CNIH3: variants seen among roughly 807,000 people sequenced by gnomAD.
CNIH3 encodes the protein cornichon family AMPA receptor auxiliary protein 3.
A neutral mutation model predicts 24.1 loss-of-function variants in CNIH3; 14 were observed. The ratio of observed to expected loss-of-function variants is 0.58; its 90% CI spans 0.38 to 0.91. The LOEUF (loss-of-function observed/expected upper bound fraction) is 0.91. CNIH3 is among the 40% of genes least tolerant of loss of function. The pLI is 0.00. For missense variants in CNIH3, 178 were observed against 196.8 expected (o/e 0.90, Z 0.57); for synonymous variants, 68 against 73.8 (o/e 0.92, Z 0.40).
chr1:224,662,678 A>C (rs1431717729), intron 1 of CNIH3, among the ~76,000 whole-genome samples: 1 of 152,214 alleles, frequency 6.6e-6, no homozygotes, highest in Non-Finnish European at 1.5e-5. Context: ...TACTTAATTT[A>C]TGGGTTCCTT....
At chr1:224,664,324 T>G (rs1169864870) in intron 1 of CNIH3, among the ~76,000 whole-genome samples, 1 of 152,208 alleles carries the variant, frequency 6.6e-6, no homozygotes, top group Non-Finnish European at 1.5e-5. Context: ...GGAGGGTCAA[T>G]TTCCATGTGT....
chr1:224,583,428 T>TA (rs1040075536), intron 5 of CNIH3, among the ~76,000 whole-genome samples: 1 of 152,162 alleles, frequency 6.6e-6, no homozygotes, highest in African/African-American at 2.4e-5. Context: ...GAGTGAGGGA[T>TA]AAAATCTGAG....
At chr1:224,615,415 A>T (rs1272988467), upstream of CNIH3, 1 of 152,240 alleles carries the variant, frequency 6.6e-6, no homozygotes, top group Non-Finnish European at 1.5e-5. Flanking sequence ...TGAACTTCCA[A>T]GATGCTGGGC....
chr1:224,530,016 C>A (rs992347414), intron 2 of CNIH3, among the ~76,000 whole-genome samples: 1 of 152,210 alleles, frequency 6.6e-6, no homozygotes, highest in African/African-American at 2.4e-5. Flanking sequence ...CATTGCTGAG[C>A]ACCTGCTGTT....
chr1:224,697,046 C>T (rs1469274943), intron 3 of CNIH3, among the ~76,000 whole-genome samples: 1 of 152,156 alleles, frequency 6.6e-6, no homozygotes, highest in African/African-American at 2.4e-5. Flanking sequence ...TTAGTCAACA[C>T]GAGACTGGCA....
chr1:224,501,527 T>TATATA (rs1558111650), intron 1 of CNIH3, among the ~76,000 whole-genome samples: 44 of 96,502 alleles, frequency 4.6e-4, no homozygotes, highest in African/African-American at 1.5e-3. Context: ...ATATATATAT[T>TATATA]TTTTTTTTTT....
At chr1:224,440,094 G>A (rs975197033) in intron 1 of CNIH3, among the ~76,000 whole-genome samples, 1 of 151,244 alleles carries the variant, frequency 6.6e-6, no homozygotes, top group Non-Finnish European at 1.5e-5. Context: ...AGCCAATTTT[G>A]GTATTTTTAG....
downstream of CNIH3, among the ~76,000 whole-genome samples, chr1:224,590,567 A>G (rs1681709672): frequency 6.6e-6 from 1 of 152,188 alleles, no homozygotes. Flanking sequence ...CTGTATCATC[A>G]CATGGCAGAA....
chr1:224,460,773 G>GTT (rs11322243), intron 1 of CNIH3, among the ~76,000 whole-genome samples: 5 of 144,458 alleles, frequency 3.5e-5, no homozygotes, highest in Admixed American at 6.9e-5. Flanking sequence ...GGTTTTTTGG[G>GTT]TTTTTTTTTT....
At chr1:224,568,183 T>G (rs981240612) in intron 4 of CNIH3, among the ~76,000 whole-genome samples, 3 of 151,924 alleles carry the variant, frequency 2.0e-5, no homozygotes, top group Non-Finnish European at 2.9e-5. Flanking sequence ...CCAGCTACTC[T>G]GGAGGCTGAG....
At chr1:224,575,466 AG>A (rs1680997202) in intron 4 of CNIH3, 4 of 666,860 alleles carry the variant, frequency 6.0e-6, no homozygotes, top group Non-Finnish European at 1.0e-5. Context: ...TTGCAAAGGT[AG>A]TATGGCCTGT....
chr1:224,727,570 C>T (rs559124222), intron 3 of CNIH3, among the ~76,000 whole-genome samples: 7 of 152,194 alleles, frequency 4.6e-5, no homozygotes, highest in Non-Finnish European at 8.8e-5. Context: ...AAAATGAGAC[C>T]TTACCACCTT....
intron 3 of CNIH3, among the ~76,000 whole-genome samples, chr1:224,712,117 G>A (rs114565322): frequency 6.6e-6 from 1 of 152,136 alleles, no homozygotes; most frequent in Non-Finnish European, 1.5e-5. Context: ...GATGATAAAG[G>A]CTTGTCTAAA....
intron 4 of CNIH3, among the ~76,000 whole-genome samples, chr1:224,572,049 T>C (rs916078614): frequency 1.3e-5 from 2 of 152,150 alleles, no homozygotes; most frequent in African/African-American, 4.8e-5. Context: ...AGTTGTCTTA[T>C]AGGGAGGTGG....
chr1:224,684,213 A>G lies in CNIH3; in HGVS notation c.151-583A>G, dbSNP rs1686540503. Among the ~76,000 whole-genome samples, 1 of 152,244 alleles carries G rather than the reference A, an allele frequency of 6.6e-6. No homozygotes were observed. The highest frequency in any genetic ancestry group is 2.1e-4 in the South Asian group (1 of 4,832). On this transcript the variant is annotated intron_variant, in intron 2 of 5. Transcript: ENST00000272133. The surrounding 1 kb of genome is among the most constrained non-coding windows in gnomAD (Gnocchi z 4.2). Reference sequence around the variant, plus strand: ...GGCCATCATCTCATCTTCCCTTGGCAGTGAGCCAGGCCTTGACAGACTCGA... The same window carrying G: ...GGCCATCATCTCATCTTCCCTTGGCGGTGAGCCAGGCCTTGACAGACTCGA...
chr1:224,621,046 A>G (rs1365036301), intron 1 of CNIH3, among the ~76,000 whole-genome samples: 1 of 152,254 alleles, frequency 6.6e-6, no homozygotes, highest in Non-Finnish European at 1.5e-5. Context: ...TCAAAGATTC[A>G]GTACTGAATT....
downstream of CNIH3, among the ~76,000 whole-genome samples, chr1:224,540,149 T>G (rs1679457111): frequency 6.6e-6 from 1 of 152,228 alleles, no homozygotes; most frequent in South Asian, 2.1e-4. Flanking sequence ...AATCATCTAG[T>G]TCCTGGGGAA....
At chr1:224,732,774 A>C (rs1689403941) in intron 4 of CNIH3, among the ~76,000 whole-genome samples, 1 of 152,186 alleles carries the variant, frequency 6.6e-6, no homozygotes, top group Non-Finnish European at 1.5e-5. Flanking sequence ...GCTTGTCCAA[A>C]AGGGAGGAAA....
intron 1 of CNIH3, among the ~76,000 whole-genome samples, chr1:224,440,697 G>C (rs533760124): frequency 6.6e-6 from 1 of 152,296 alleles, no homozygotes; most frequent in Admixed American, 6.5e-5. Context: ...TGGTAGGAAA[G>C]AAAAGCATAA....
Sources: gnomAD v4.1 joint callset for allele counts (sites outside exome capture counted in the v4.1 genomes callset) on GRCh38, gnomAD v4.1.1 for gene constraint, Gnocchi (gnomAD v3.1) non-coding constraint, MANE v1.5 for transcripts, NCBI Gene and HGNC (gene_info 2026-07-23, HGNC 2026-07-21) for gene names.